Variants in POLA1 observed in about 807,000 individuals in gnomAD.
POLA1 encodes DNA polymerase alpha 1, catalytic subunit.
POLA1 carries 15 observed loss-of-function variants against 124.0 expected under a neutral mutation model. That is an observed-to-expected ratio of 0.12 (90% CI 0.08 to 0.19). POLA1 has a LOEUF of 0.19. POLA1 is among the 10% of genes least tolerant of loss of function. The pLI is 1.00. For missense variants in POLA1, 886 were observed against 1,103.4 expected, an observed-to-expected ratio of 0.80 and a Z score of 2.79; for synonymous variants, 408 against 389.4, an observed-to-expected ratio of 1.05 and a Z score of -0.56.
chrX:24,820,376 C>G (rs946228764), intron 30 of POLA1, among the ~76,000 whole-genome samples: 12 of 111,597 alleles, frequency 1.1e-4, no homozygotes, highest in African/African-American at 3.3e-4. Flanking sequence ...AACGGGTGAG[C>G]TCATCCAGCA....
chrX:24,863,265 C>A (rs756652330), intron 34 of POLA1, among the ~76,000 whole-genome samples: 1 of 107,919 alleles, frequency 9.3e-6, no homozygotes, highest in Non-Finnish European at 1.9e-5. Flanking sequence ...TATGCCCCCC[C>A]CCATCTTCCA....
intron 26 of POLA1, among the ~76,000 whole-genome samples, chrX:24,771,870 A>G (rs1043151558): frequency 8.9e-6 from 1 of 112,120 alleles, no homozygotes; most frequent in Non-Finnish European, 1.9e-5. Context: ...TTATAAAATT[A>G]ATACATGTTC....
At chrX:24,720,276 CAT>C (rs1246099480) in intron 10 of POLA1, among the ~76,000 whole-genome samples, 1 of 111,753 alleles carries the variant, frequency 8.9e-6, no homozygotes, top group Non-Finnish European at 1.9e-5. Flanking sequence ...GTGACTACAT[CAT>C]AGCCTTTCCC....
intron 1 of POLA1, among the ~76,000 whole-genome samples, chrX:24,697,799 C>T (rs1382879249): frequency 1.8e-5 from 2 of 111,083 alleles, no homozygotes; most frequent in East Asian, 2.8e-4. Context: ...AATTAATTAG[C>T]ACCAAACACA....
At chrX:24,916,842 T>C (rs1181083572) in intron 35 of POLA1, among the ~76,000 whole-genome samples, 1 of 112,543 alleles carries the variant, frequency 8.9e-6, no homozygotes, top group African/African-American at 3.2e-5. Flanking sequence ...GGAAAATCCA[T>C]TAGCCAATTT....
At chrX:24,767,584 A>T (rs1384179650) in intron 26 of POLA1, among the ~76,000 whole-genome samples, 1 of 112,657 alleles carries the variant, frequency 8.9e-6, no homozygotes, top group Non-Finnish European at 1.9e-5. Context: ...TTCTAACTGT[A>T]TAAAATGTAG....
intron 26 of POLA1, among the ~76,000 whole-genome samples, chrX:24,792,238 C>T (rs1357305237): frequency 9.0e-6 from 1 of 111,310 alleles, no homozygotes; most frequent in Non-Finnish European, 1.9e-5. Flanking sequence ...TTTTTAATGG[C>T]ATGTTCTCCA....
chrX:24,858,350 A>G (rs988721149), intron 34 of POLA1, among the ~76,000 whole-genome samples: 5 of 111,926 alleles, frequency 4.5e-5, no homozygotes, highest in South Asian at 7.5e-4. Context: ...TAATGATTTC[A>G]TGACATCATC....
chrX:24,956,859 A>G (rs2048112524), intron 36 of POLA1, among the ~76,000 whole-genome samples: 2 of 112,623 alleles, frequency 1.8e-5, no homozygotes, highest in African/African-American at 3.2e-5. Context: ...CAAAAAAAGT[A>G]TGAAACTAAG....
chrX:24,761,264 GATTT>G (rs1216077029), intron 26 of POLA1, among the ~76,000 whole-genome samples: 1 of 111,882 alleles, frequency 8.9e-6, no homozygotes, highest in Non-Finnish European at 1.9e-5. Context: ...TGATGAGATT[GATTT>G]ATTTATTTTT....
chrX:24,732,299 G>A lies in POLA1; in HGVS notation c.1687-71G>A. ...AAATGTGTATCTTTAAATATTCTTG[G>A]TGATTTTGGTGAGAATGCAGAATGT... is the stretch of plus-strand genomic sequence containing the variant. On this transcript the variant is annotated intron_variant, in intron 15 of 36. Transcript: ENST00000379068. 3 of 677,022 alleles carry A rather than the reference G, an allele frequency of 4.4e-6. No individual in the cohort carries two copies. In the South Asian group the frequency reaches 7.1e-5, roughly 16 times the overall value. The allele number at this position is 677,022 out of a possible 1,213,427, so 55.8% of individuals were successfully genotyped here. A position where few individuals can be genotyped will look rare whatever the true frequency, so the allele number is the denominator to read the frequency against.
chrX:24,993,443 G>A (rs1178817696), intron 36 of POLA1, among the ~76,000 whole-genome samples: 1 of 112,596 alleles, frequency 8.9e-6, no homozygotes, highest in Non-Finnish European at 1.9e-5. Context: ...TGATGGCGTC[G>A]TTACTGATAG....
At chrX:24,986,356 ATG>A (rs1412222779) in intron 36 of POLA1, among the ~76,000 whole-genome samples, 1 of 111,204 alleles carries the variant, frequency 9.0e-6, no homozygotes, top group African/African-American at 3.3e-5. Context: ...GACAGTGGCT[ATG>A]TTAGTGATCA....
At chrX:24,807,692 G>A (rs1351496118) in intron 26 of POLA1, among the ~76,000 whole-genome samples, 2 of 111,636 alleles carry the variant, frequency 1.8e-5, no homozygotes, top group East Asian at 2.8e-4. Context: ...CTAGTTTGGG[G>A]TGGGTAGGTG....
At chrX:24,858,226 T>A (rs2046673033) in intron 34 of POLA1, among the ~76,000 whole-genome samples, 1 of 112,131 alleles carries the variant, frequency 8.9e-6, no homozygotes, top group Admixed American at 9.4e-5. Context: ...AGTGGATCAT[T>A]AGCATTGCTC....
rs2048605197 is a variant in POLA1 at position 24,996,212 on chromosome X, A to G, written c.*262A>G. The G allele has an allele frequency of 8.0e-6, 2 of 249,543 alleles. No homozygotes were observed. Among genetic ancestry groups the G allele is most frequent in the Non-Finnish European group, 1.4e-5 (2 of 142,184 alleles). 20.6% of individuals were successfully genotyped at this position (249,543 alleles called of 1,213,427 possible). A position where few individuals can be genotyped will look rare whatever the true frequency, so the allele number is the denominator to read the frequency against. On this transcript the variant is annotated 3_prime_UTR_variant, in exon 37 of 37. Transcript: ENST00000379068. ...AGCCCCTCCCCAAGCTCCCCTCCCCAAGCTCCTGAAGACCCGGTTTCTGAG... is the reference window on the plus strand; with the variant it reads ...AGCCCCTCCCCAAGCTCCCCTCCCCGAGCTCCTGAAGACCCGGTTTCTGAG...
At chrX:24,835,542 C>G (rs1361550602) in intron 32 of POLA1, among the ~76,000 whole-genome samples, 1 of 110,210 alleles carries the variant, frequency 9.1e-6, no homozygotes, top group Non-Finnish European at 1.9e-5. Context: ...TCAGGGTCAA[C>G]TTGGTAGTTA....
At chrX:24,791,531 G>A (rs777970638) in intron 26 of POLA1, among the ~76,000 whole-genome samples, 1 of 111,842 alleles carries the variant, frequency 8.9e-6, no homozygotes, top group African/African-American at 3.2e-5. Flanking sequence ...GATTACAGGT[G>A]TAGGCCACCA....
chrX:24,925,986 G>A (rs182229214), intron 35 of POLA1, among the ~76,000 whole-genome samples: 2 of 110,754 alleles, frequency 1.8e-5, no homozygotes, highest in African/African-American at 3.3e-5. Context: ...TGTGATGGCT[G>A]AGGAGTTCGA....
Sources: allele counts gnomAD v4.1 joint callset (sites outside exome capture counted in the v4.1 genomes callset), GRCh38; gene constraint gnomAD v4.1.1; transcripts MANE v1.5; gene names NCBI Gene and HGNC (gene_info 2026-07-23, HGNC 2026-07-21).